NUBPL: variants seen among roughly 807,000 people sequenced by gnomAD.
NUBPL encodes the protein iron-sulfur cluster transfer protein NUBPL.
NUBPL carries 31 observed loss-of-function variants against 45.7 expected under a neutral mutation model. The ratio of observed to expected loss-of-function variants is 0.68; its 90% confidence interval spans 0.51 to 0.92. NUBPL has a LOEUF of 0.92. Among genes scored for constraint, NUBPL ranks in the 40% least tolerant of loss-of-function variants. The probability of loss-of-function intolerance (pLI) is 0.00; values close to 1 mark genes in which losing one functional copy is unlikely to be tolerated. For missense variants in NUBPL, 401 were observed against 398.7 expected (o/e 1.01, Z -0.05); for synonymous variants, 144 against 140.9 (o/e 1.02, Z -0.15).
chr14:31,706,044 A>G (rs1005487992), intron 6 of NUBPL, among the ~76,000 whole-genome samples: 2 of 152,166 alleles, frequency 1.3e-5, no homozygotes, highest in Admixed American at 6.5e-5. Context: ...AGGGGCCCCC[A>G]TAGCGCATCG....
intron 6 of NUBPL, among the ~76,000 whole-genome samples, chr14:31,746,477 A>T (rs1440697858): frequency 6.6e-6 from 1 of 151,988 alleles, no homozygotes; most frequent in Non-Finnish European, 1.5e-5. Flanking sequence ...TGTCAATGTG[A>T]TGTGTCACAA....
At chr14:31,795,177 C>G (rs2039459747) in intron 7 of NUBPL, among the ~76,000 whole-genome samples, 1 of 151,062 alleles carries the variant, frequency 6.6e-6, no homozygotes, top group African/African-American at 2.5e-5. Flanking sequence ...ATGCCTCCAG[C>G]TTTGTTCTTT....
chr14:31,672,209 T>A (rs1384269691), intron 4 of NUBPL, among the ~76,000 whole-genome samples: 1 of 151,986 alleles, frequency 6.6e-6, no homozygotes, highest in East Asian at 1.9e-4. Context: ...ATTTTTATAC[T>A]TTTTAAGCTA....
At chr14:31,652,310 G>T (rs760323524) in intron 4 of NUBPL, among the ~76,000 whole-genome samples, 1 of 152,146 alleles carries the variant, frequency 6.6e-6, no homozygotes, top group African/African-American at 2.4e-5. Context: ...AGAATGGGGA[G>T]ATATTGGCCA....
At chr14:31,757,013 G>T (rs541825330) in intron 6 of NUBPL, among the ~76,000 whole-genome samples, 3 of 151,682 alleles carry the variant, frequency 2.0e-5, no homozygotes, top group Non-Finnish European at 4.4e-5. Flanking sequence ...TTATTAATTT[G>T]CATATATTGA....
chr14:31,600,667 G>C (rs1024798975), intron 4 of NUBPL, among the ~76,000 whole-genome samples: 5 of 152,130 alleles, frequency 3.3e-5, no homozygotes, highest in Non-Finnish European at 7.4e-5. Flanking sequence ...TTTGTCAGAT[G>C]AGTAGGTTGC....
At chr14:31,645,814 C>T (rs1000914139) in intron 4 of NUBPL, among the ~76,000 whole-genome samples, 1 of 121,842 alleles carries the variant, frequency 8.2e-6, no homozygotes. Flanking sequence ...TGTCATTTTA[C>T]GTTTTTATTT....
chr14:31,835,721 C>T (rs2040270925), intron 8 of NUBPL, among the ~76,000 whole-genome samples: 1 of 150,922 alleles, frequency 6.6e-6, no homozygotes, highest in Admixed American at 6.6e-5. Context: ...CTTTCCATGT[C>T]AAATGACTAT....
At chr14:31,726,790 A>G (rs933841289) in intron 6 of NUBPL, among the ~76,000 whole-genome samples, 17 of 147,548 alleles carry the variant, frequency 1.2e-4, no homozygotes, top group Admixed American at 9.3e-4. Flanking sequence ...AAGGGAAACT[A>G]TTGTGAATTG....
chr14:31,614,259 A>G (rs1279666519), intron 4 of NUBPL, among the ~76,000 whole-genome samples: 1 of 152,228 alleles, frequency 6.6e-6, no homozygotes, highest in Non-Finnish European at 1.5e-5. Context: ...GCCTCACAAT[A>G]GCAGGATTAT....
chr14:31,688,592 G>GAAAAAAAAAAAA (rs544662104), intron 6 of NUBPL, among the ~76,000 whole-genome samples: 2 of 75,694 alleles, frequency 2.6e-5, no homozygotes, highest in Admixed American at 1.6e-4. Flanking sequence ...AGAAAAAAAA[G>GAAAAAAAAAAAA]AAAAAAAAAA....
chr14:31,811,970 T>G (rs1254393846), intron 7 of NUBPL, among the ~76,000 whole-genome samples: 1 of 152,188 alleles, frequency 6.6e-6, no homozygotes, highest in African/African-American at 2.4e-5. Flanking sequence ...CAGCAAATAT[T>G]GCAGAACAGC....
intron 4 of NUBPL, among the ~76,000 whole-genome samples, chr14:31,621,393 A>G (rs767012078): frequency 2.6e-5 from 4 of 152,124 alleles, no homozygotes; most frequent in Non-Finnish European, 4.4e-5. Context: ...TTTGTGCTTG[A>G]AACCCAGGGC....
chr14:31,570,363 G>T (rs990820076), intron 3 of NUBPL, among the ~76,000 whole-genome samples: 4 of 152,070 alleles, frequency 2.6e-5, no homozygotes, highest in Non-Finnish European at 5.9e-5. Context: ...ACTCTTAAAG[G>T]TTTTATAATC....
chr14:31,563,848 T>G (rs1192243258), intron 2 of NUBPL, among the ~76,000 whole-genome samples: 1 of 152,222 alleles, frequency 6.6e-6, no homozygotes, highest in African/African-American at 2.4e-5. Context: ...ATTTTGTAAC[T>G]TATAAAAACG....
At chr14:31,694,023 T>C (rs1212069049) in intron 6 of NUBPL, among the ~76,000 whole-genome samples, 1 of 151,652 alleles carries the variant, frequency 6.6e-6, no homozygotes, top group East Asian at 1.9e-4. Context: ...GCCTGGCTAA[T>C]TTTTTGTATT....
chr14:31,704,747 G>A (rs115958139), intron 6 of NUBPL, among the ~76,000 whole-genome samples: 2,462 of 151,902 alleles, frequency 0.016, 80 homozygotes, highest in African/African-American at 0.056. Context: ...GGCACTTCCT[G>A]TTCCCTCTAG....
chr14:31,744,476 C>T (rs955106039), intron 6 of NUBPL, among the ~76,000 whole-genome samples: 1 of 151,726 alleles, frequency 6.6e-6, no homozygotes, highest in African/African-American at 2.4e-5. Context: ...AAATAAACGC[C>T]ACAAAAAGCA....
At chr14:31,710,536 G>C (rs1209453860) in intron 6 of NUBPL, among the ~76,000 whole-genome samples, 1 of 152,160 alleles carries the variant, frequency 6.6e-6, no homozygotes, top group Non-Finnish European at 1.5e-5. Context: ...TGTCCTCCTA[G>C]ACCACAAGGA....
Sources: allele counts gnomAD v4.1 joint callset (sites outside exome capture counted in the v4.1 genomes callset), GRCh38; gene constraint gnomAD v4.1.1; transcripts MANE v1.5; gene names NCBI Gene and HGNC (gene_info 2026-07-23, HGNC 2026-07-21).